TMEM245: variants seen among roughly 807,000 people sequenced by gnomAD.
TMEM245 encodes protein CG-2.
Under a neutral mutation model 101.2 loss-of-function variants are expected in TMEM245, and 69 were observed. The ratio of observed to expected loss-of-function variants is 0.68; its 90% CI spans 0.56 to 0.83. TMEM245 has a LOEUF of 0.83. Among genes scored for constraint, TMEM245 ranks in the 40% least tolerant of loss-of-function variants. TMEM245 has a pLI of 0.00. For synonymous variants in TMEM245, 537 were observed against 449.8 expected (o/e 1.19, Z -2.45); for missense variants, 1,075 against 1,092.8 (o/e 0.98, Z 0.23).
intron 1 of TMEM245, among the ~76,000 whole-genome samples, chr9:109,109,436 C>CA (rs112675103): frequency 0.24 from 28,247 of 119,578 alleles, 2,888 homozygotes; most frequent in African/African-American, 0.34. Context: ...TGAACCTTGC[C>CA]AAAAAAAAAA....
At chr9:109,064,645 C>T in intron 9 of TMEM245, 78 bp from the exon 10 acceptor site, 3 of 1,187,370 alleles carry the variant, frequency 2.5e-6, no homozygotes, top group South Asian at 2.5e-5. Flanking sequence ...ACTTGATATG[C>T]TTAATCCATA....
At chr9:109,114,025 G>A (rs1220028546) in intron 1 of TMEM245, among the ~76,000 whole-genome samples, 2 of 152,072 alleles carry the variant, frequency 1.3e-5, no homozygotes, top group East Asian at 3.9e-4. Context: ...GCGGTGAGCC[G>A]AGAACGCGCC....
chr9:109,022,467 T>TTATCTATCTATC (rs35280235), intron 17 of TMEM245, among the ~76,000 whole-genome samples: 23,609 of 149,434 alleles, frequency 0.16, 1,973 homozygotes, highest in East Asian at 0.2. Context: ...TTTATATGCA[T>TTATCTATCTATC]TATCTATCTA....
Position 109,018,738 on chromosome 9 carries a change from A to AC in TMEM245, c.*1721dup, listed in dbSNP as rs756922466. ...CAACGCTTAAGAACTACCCCCCAAC[A>AC]CTTTTTTTTTTCCTTGGGACAGTGT... On this transcript the variant is annotated 3_prime_UTR_variant, in exon 18 of 18. Transcript: ENST00000374586. 10 of 148,348 alleles carry AC rather than the reference A, an allele frequency of 6.7e-5. No homozygotes were observed. The highest frequency in any genetic ancestry group is 1.0e-4 in the Non-Finnish European group (7 of 67,076). 9.2% of individuals were successfully genotyped at this position (148,348 alleles called of 1,614,324 possible).
Position 109,057,310 on chromosome 9 carries a change from A to T in TMEM245, c.1735T>A (p.Ser579Thr). Residue 579 changes from serine to threonine, a missense_variant, in exon 12 of 18, where the codon TCT becomes ACT. Around this residue, in one of 2 missense-constraint regions of TMEM245, gnomAD observed 808 missense variants for 741.5 expected, o/e 1.09. Coordinates refer to ENST00000374586, the MANE Select transcript of TMEM245 (RefSeq NM_032012.4). ...AACTTCTGTCCTTTGTGCCTTCCAG[A>T]GTGTGTTACATTCTATGGAATAAAA... Reference protein sequence around the residue: ...HSWFVKNVTHSGRHKGQKLHV... With the variant: ...HSWFVKNVTHTGRHKGQKLHV... 6.2e-7 allele frequency: 1 copy of T among 1,614,018 alleles called. No homozygotes were observed. The highest frequency in any genetic ancestry group is 8.5e-7 in the Non-Finnish European group (1 of 1,179,914).
intron 17 of TMEM245, among the ~76,000 whole-genome samples, chr9:109,029,366 C>T (rs1011427781): frequency 2.6e-5 from 4 of 151,948 alleles, no homozygotes; most frequent in Non-Finnish European, 4.4e-5. Context: ...GGACAGAAAC[C>T]GTAGATAAAC....
intron 3 of TMEM245, among the ~76,000 whole-genome samples, chr9:109,094,498 G>A (rs1247654608): frequency 6.6e-6 from 1 of 152,186 alleles, no homozygotes; most frequent in Admixed American, 6.5e-5. Flanking sequence ...GAAGGCATAT[G>A]GTTTTTCCGC....
At chr9:109,068,096 G>A (rs1176108986) in intron 9 of TMEM245, among the ~76,000 whole-genome samples, 22 of 152,060 alleles carry the variant, frequency 1.4e-4, no homozygotes, top group South Asian at 2.1e-4. Flanking sequence ...GGCCGGACGC[G>A]GTCACTCAAG....
chr9:109,065,635 C>G (rs1416942300), intron 9 of TMEM245, among the ~76,000 whole-genome samples: 1 of 152,122 alleles, frequency 6.6e-6, no homozygotes, highest in Admixed American at 6.6e-5. Flanking sequence ...GTACCATACA[C>G]CTTAATCAAG....
intron 16 of TMEM245, among the ~76,000 whole-genome samples, chr9:109,033,857 T>A (rs1183870131): frequency 6.6e-6 from 1 of 152,224 alleles, no homozygotes; most frequent in East Asian, 1.9e-4. Flanking sequence ...TTAACCTCCA[T>A]CAAGGATAAT....
intron 5 of TMEM245, among the ~76,000 whole-genome samples, chr9:109,089,022 T>C (rs1280269757): frequency 1.3e-5 from 2 of 151,728 alleles, no homozygotes; most frequent in Non-Finnish European, 2.9e-5. Context: ...ACCTGTATAG[T>C]CCCAGCACTT....
chr9:109,063,664 A>C (rs190747751), intron 10 of TMEM245, among the ~76,000 whole-genome samples: 1 of 152,136 alleles, frequency 6.6e-6, no homozygotes, highest in Non-Finnish European at 1.5e-5. Context: ...GGTGGAATCT[A>C]ATCCTTAACT....
At chr9:109,029,048 C>T (rs186776022) in intron 17 of TMEM245, among the ~76,000 whole-genome samples, 1 of 152,136 alleles carries the variant, frequency 6.6e-6, no homozygotes, top group East Asian at 1.9e-4. Flanking sequence ...TAAAAAGGTA[C>T]ATTTTACTCT....
chr9:109,117,852 C>T (rs1486587307), intron 1 of TMEM245, among the ~76,000 whole-genome samples: 2 of 152,172 alleles, frequency 1.3e-5, no homozygotes, highest in Admixed American at 6.5e-5. Context: ...AGGAAAATAA[C>T]CAAGCTTATT....
intron 16 of TMEM245, chr9:109,035,940 CAAA>C (rs10552841): frequency 0.01 from 763 of 73,098 alleles, no homozygotes; most frequent in South Asian, 0.027. Context: ...GATATTGTCT[CAAA>C]AAAAAAAAAA....
chr9:109,083,456 GTTACT>G (rs1219330918), intron 7 of TMEM245, among the ~76,000 whole-genome samples: 1 of 152,074 alleles, frequency 6.6e-6, no homozygotes, highest in African/African-American at 2.4e-5. Flanking sequence ...AGACTGAGAA[GTTACT>G]TTAATTTTTA....
chr9:109,016,073 T>C lies in TMEM245; in HGVS notation c.*4387A>G, dbSNP rs1588006462. On this transcript the variant is annotated 3_prime_UTR_variant, in exon 18 of 18. Coordinates refer to ENST00000374586, the MANE Select transcript of TMEM245 (RefSeq NM_032012.4). The stretch of plus-strand genomic sequence containing the variant: ...CCATTAGGGATGTCTTCTCAAAGAG[T>C]TGTAAACTTGATCAAGGGCCATGTT... 1 of 152,538 alleles carries C rather than the reference T, an allele frequency of 6.6e-6. No homozygotes were observed. The highest frequency in any genetic ancestry group is 2.1e-4 in the South Asian group (1 of 4,824). 9.4% of individuals were successfully genotyped at this position (152,538 alleles called of 1,614,324 possible).
At chr9:109,106,290 G>A (rs969312048) in intron 3 of TMEM245, among the ~76,000 whole-genome samples, 7 of 119,302 alleles carry the variant, frequency 5.9e-5, no homozygotes, top group Non-Finnish European at 9.6e-5. Flanking sequence ...AAAATACAAT[G>A]GCTTATGGTT....
chr9:109,055,629 CT>C (rs1296412967), intron 12 of TMEM245, among the ~76,000 whole-genome samples: 1 of 146,818 alleles, frequency 6.8e-6, no homozygotes, highest in Admixed American at 6.7e-5. Context: ...ATCACGGTTT[CT>C]TTTTTTCTTT....
Sources: allele counts gnomAD v4.1 joint callset (sites outside exome capture counted in the v4.1 genomes callset), GRCh38; gene constraint gnomAD v4.1.1; regional missense constraint gnomAD v4.1.1; transcripts MANE v1.5; gene names NCBI Gene and HGNC (gene_info 2026-07-23, HGNC 2026-07-21).